TMTC2: variants seen among roughly 807,000 people sequenced by gnomAD.
TMTC2 encodes transmembrane O-mannosyltransferase targeting cadherins 2, also known as protein O-mannosyl-transferase TMTC2.
Under a neutral mutation model 82.4 loss-of-function variants are expected in TMTC2, and 43 were observed. That is an observed-to-expected ratio of 0.52 (90% CI 0.41 to 0.67). The LOEUF (loss-of-function observed/expected upper bound fraction) is 0.67. TMTC2 is among the 30% of genes least tolerant of loss of function. The pLI is 0.00. For missense variants in TMTC2, 919 were observed against 1,012.4 expected, an observed-to-expected ratio of 0.91 and a Z score of 1.25; for synonymous variants, 408 against 381.9, an observed-to-expected ratio of 1.07 and a Z score of -0.80.
At chr12:82,930,350 G>A (rs1807986825) in intron 3 of TMTC2, 81 bp from the exon 4 acceptor site, 1 of 683,792 alleles carries the variant, frequency 1.5e-6, no homozygotes, top group Non-Finnish European at 2.5e-6. Context: ...CTCTCCCTGT[G>A]GTACTTCCTG....
At chr12:82,855,474 G>C (rs1871218420) in intron 1 of TMTC2, among the ~76,000 whole-genome samples, 1 of 152,154 alleles carries the variant, frequency 6.6e-6, no homozygotes, top group Non-Finnish European at 1.5e-5. Flanking sequence ...CCACAACATA[G>C]TCTTTATCCA....
At chr12:82,876,178 G>C (rs952200835) in intron 2 of TMTC2, among the ~76,000 whole-genome samples, 1 of 137,578 alleles carries the variant, frequency 7.3e-6, no homozygotes, top group Non-Finnish European at 1.5e-5. Flanking sequence ...GTTGTTGATC[G>C]GGTGGTAGTG....
At chr12:82,782,648 C>T (rs973499189) in intron 1 of TMTC2, among the ~76,000 whole-genome samples, 1 of 152,162 alleles carries the variant, frequency 6.6e-6, no homozygotes, top group Non-Finnish European at 1.5e-5. Context: ...CTTCTGAGAT[C>T]AGCGTTTGGA....
At chr12:82,689,877 A>G (rs1177100429) in intron 1 of TMTC2, among the ~76,000 whole-genome samples, 1 of 152,206 alleles carries the variant, frequency 6.6e-6, no homozygotes, top group Non-Finnish European at 1.5e-5. Context: ...ATATTGATAA[A>G]ATATTGAGGG....
intron 1 of TMTC2, among the ~76,000 whole-genome samples, chr12:82,715,052 A>G (rs1179247393): frequency 1.3e-5 from 2 of 152,146 alleles, no homozygotes; most frequent in African/African-American, 4.8e-5. Context: ...CGGGAGGATC[A>G]CGAGGTCAGG....
At chr12:82,985,122 G>A (rs1384380949) in intron 7 of TMTC2, among the ~76,000 whole-genome samples, 6 of 151,942 alleles carry the variant, frequency 3.9e-5, no homozygotes, top group African/African-American at 1.2e-4. Flanking sequence ...GCAGTCGTGC[G>A]ATCAGGGCTC....
intron 3 of TMTC2, among the ~76,000 whole-genome samples, chr12:82,917,803 C>T (rs539359191): frequency 1.7e-3 from 257 of 152,228 alleles, no homozygotes; most frequent in Non-Finnish European, 2.9e-3. Flanking sequence ...AGGGTTTCAC[C>T]GTGTTAGCCA....
At chr12:82,757,795 C>A (rs750141075) in intron 1 of TMTC2, among the ~76,000 whole-genome samples, 13 of 152,134 alleles carry the variant, frequency 8.5e-5, no homozygotes, top group Non-Finnish European at 1.5e-4. Context: ...GCAAAGGATG[C>A]AGGATTCCAT....
At chr12:83,050,240 A>G (rs868828506) in intron 9 of TMTC2, among the ~76,000 whole-genome samples, 1 of 152,052 alleles carries the variant, frequency 6.6e-6, no homozygotes, top group African/African-American at 2.4e-5. Flanking sequence ...AAAGTGGCCT[A>G]TTGTCTCTGT....
intron 1 of TMTC2, among the ~76,000 whole-genome samples, chr12:82,822,702 T>C (rs1261101456): frequency 1.3e-5 from 2 of 152,232 alleles, no homozygotes; most frequent in Non-Finnish European, 2.9e-5. Flanking sequence ...AACATTTTTC[T>C]CAAATTCCCA....
At chr12:83,097,069 A>G (rs992007912) in intron 11 of TMTC2, among the ~76,000 whole-genome samples, 4 of 152,174 alleles carry the variant, frequency 2.6e-5, no homozygotes, top group Non-Finnish European at 5.9e-5. Flanking sequence ...GTGTCTGTCC[A>G]TGGTAAGTGC....
intron 1 of TMTC2, among the ~76,000 whole-genome samples, chr12:82,743,740 GTT>G (rs1274584546): frequency 3.9e-5 from 6 of 152,064 alleles, no homozygotes; most frequent in African/African-American, 1.2e-4. Flanking sequence ...TGCAAGCCCT[GTT>G]TAACAAATAA....
intron 1 of TMTC2, among the ~76,000 whole-genome samples, chr12:82,782,831 C>A (rs952959504): frequency 1.3e-5 from 2 of 152,066 alleles, no homozygotes; most frequent in African/African-American, 4.8e-5. Context: ...TTCTAAGTAG[C>A]CTCTTTATTC....
intron 8 of TMTC2, among the ~76,000 whole-genome samples, chr12:83,002,635 TC>T (rs1451354418): frequency 1.3e-5 from 2 of 152,160 alleles, no homozygotes; most frequent in Non-Finnish European, 2.9e-5. Flanking sequence ...ATTTTTTATT[TC>T]TGTCTTAATT....
chr12:83,009,638 T>C (rs1056818615), intron 8 of TMTC2, among the ~76,000 whole-genome samples: 1 of 151,888 alleles, frequency 6.6e-6, no homozygotes, highest in Non-Finnish European at 1.5e-5. Context: ...GATTTCCTTT[T>C]TCCCCCAAAA....
intron 1 of TMTC2, among the ~76,000 whole-genome samples, chr12:82,714,466 C>CT (rs1029503092): frequency 6.6e-6 from 1 of 151,800 alleles, no homozygotes; most frequent in African/African-American, 2.4e-5. Flanking sequence ...TGTGTCTGTC[C>CT]TTTTTTTTAT....
At chr12:82,695,807 A>C (rs2136890102) in intron 1 of TMTC2, among the ~76,000 whole-genome samples, 1 of 152,328 alleles carries the variant, frequency 6.6e-6, no homozygotes, top group South Asian at 2.1e-4. Flanking sequence ...GACACTTGTC[A>C]TTACAGAACC....
At chr12:83,103,277 A>T (rs944442985) in intron 11 of TMTC2, among the ~76,000 whole-genome samples, 29 of 152,126 alleles carry the variant, frequency 1.9e-4, no homozygotes, top group Non-Finnish European at 2.9e-5. Flanking sequence ...TTGAGTCAAG[A>T]CCCAATGTAG....
intron 1 of TMTC2, among the ~76,000 whole-genome samples, chr12:82,752,860 C>A (rs1254267937): frequency 6.6e-6 from 1 of 152,006 alleles, no homozygotes; most frequent in African/African-American, 2.4e-5. Context: ...TTCTGTTTAT[C>A]CCTGCTCAGC....
Sources: allele counts gnomAD v4.1 joint callset (sites outside exome capture counted in the v4.1 genomes callset), GRCh38; gene constraint gnomAD v4.1.1; transcripts MANE v1.5; gene names NCBI Gene and HGNC (gene_info 2026-07-23, HGNC 2026-07-21).